CACNA1E: variants seen among roughly 807,000 people sequenced by gnomAD.
CACNA1E encodes the protein voltage-dependent R-type calcium channel subunit alpha-1E.
In CACNA1E, 40 loss-of-function variants were observed where a neutral mutation model predicts 259.2. The observed-to-expected ratio is 0.15, with a 90% CI of 0.12 to 0.20. CACNA1E has a LOEUF of 0.20. Among genes scored for constraint, CACNA1E ranks in the 10% least tolerant of loss-of-function variants. The probability of loss-of-function intolerance (pLI) is 1.00; values close to 1 mark genes in which losing one functional copy is unlikely to be tolerated. For synonymous variants in CACNA1E, 1,104 were observed against 1,138.5 expected (o/e 0.97, Z 0.61); for missense variants, 1,874 against 3,040.1 (o/e 0.62, Z 9.02).
intron 1 of CACNA1E, among the ~76,000 whole-genome samples, chr1:181,407,152 T>G (rs866216476): frequency 1.3e-5 from 2 of 152,146 alleles, no homozygotes; most frequent in Non-Finnish European, 1.5e-5. Flanking sequence ...AAATTGCTGT[T>G]GGACATTAGC....
intron 6 of CACNA1E, among the ~76,000 whole-genome samples, chr1:181,629,922 T>G (rs1476195510): frequency 6.6e-6 from 1 of 152,162 alleles, no homozygotes; most frequent in Non-Finnish European, 1.5e-5. Flanking sequence ...CTTTAATGAG[T>G]TTAGATCTAG....
chr1:181,374,866 A>G (rs1654982041), intron 1 of CACNA1E, among the ~76,000 whole-genome samples: 1 of 152,180 alleles, frequency 6.6e-6, no homozygotes, highest in Non-Finnish European at 1.5e-5. Context: ...CTCAATAATA[A>G]AACTAAATTT....
chr1:181,659,948 C>T (rs577667027), intron 7 of CACNA1E, among the ~76,000 whole-genome samples: 18 of 152,292 alleles, frequency 1.2e-4, no homozygotes, highest in African/African-American at 4.3e-4. Flanking sequence ...CAGAGATATG[C>T]CGCCAGTGGT....
chr1:181,522,794 A>G (rs1480587515), intron 3 of CACNA1E, among the ~76,000 whole-genome samples: 4 of 152,150 alleles, frequency 2.6e-5, no homozygotes, highest in African/African-American at 7.2e-5. Context: ...TGGATCCTTC[A>G]CATATGGACT....
At chr1:181,390,922 T>C (rs887684936) in intron 1 of CACNA1E, among the ~76,000 whole-genome samples, 3 of 152,280 alleles carry the variant, frequency 2.0e-5, no homozygotes, top group Non-Finnish European at 2.9e-5. Context: ...GAGGAGATGA[T>C]TGATGTGCTG....
At chr1:181,737,682 C>T (rs757068242) in intron 23 of CACNA1E, 28 bp downstream of exon 23, 1 of 1,604,448 alleles carries the variant, frequency 6.2e-7, no homozygotes, top group Non-Finnish European at 8.5e-7. Context: ...ATGTGCCAGC[C>T]TCTGTAGTGC....
At chr1:181,530,292 A>G (rs1234598206) in intron 3 of CACNA1E, among the ~76,000 whole-genome samples, 2 of 151,848 alleles carry the variant, frequency 1.3e-5, no homozygotes, top group Non-Finnish European at 2.9e-5. Flanking sequence ...GTCTAATTAA[A>G]CCTCTTTTTG....
intron 2 of CACNA1E, among the ~76,000 whole-genome samples, chr1:181,426,520 C>T (rs1659222725): frequency 6.6e-6 from 1 of 150,964 alleles, no homozygotes; most frequent in African/African-American, 2.4e-5. Flanking sequence ...TGTCTCAACC[C>T]CTTCACAACT....
rs563583057 is a variant in CACNA1E at position 181,776,284 on chromosome 1, C to G, written c.5267+56C>G. Reference sequence around the variant, plus strand: ...GCCCAGAGCAAAGGTCTCTGGAGTTCCCAGGGAAGAGGCTGGAATTGGAGC... The same window carrying G: ...GCCCAGAGCAAAGGTCTCTGGAGTTGCCAGGGAAGAGGCTGGAATTGGAGC... On this transcript the variant is annotated intron_variant, in intron 38 of 47. Coordinates refer to ENST00000367573, the MANE Select transcript of CACNA1E (RefSeq NM_001205293.3). The surrounding 1 kb of genome is among the most constrained non-coding windows in gnomAD (Gnocchi z 4.4). 6.3e-7 allele frequency: 1 copy of G among 1,587,250 alleles called. No homozygotes were observed. Among genetic ancestry groups the G allele is most frequent in the Admixed American group, 1.7e-5 (1 of 59,832 alleles).
chr1:181,763,353 T>G (rs1658752332), intron 33 of CACNA1E, 53 bp from the exon 34 acceptor site: 13 of 1,461,088 alleles, frequency 8.9e-6, no homozygotes, highest in Non-Finnish European at 1.2e-5. Context: ...GTGCTTAGAT[T>G]TTTCTAAATC....
At chr1:181,602,763 G>A (rs1320730011) in intron 6 of CACNA1E, among the ~76,000 whole-genome samples, 1 of 152,140 alleles carries the variant, frequency 6.6e-6, no homozygotes, top group African/African-American at 2.4e-5. Context: ...TTAGCAAGTT[G>A]AACCATTTGC....
At chr1:181,520,509 C>T (rs1666920078) in intron 3 of CACNA1E, among the ~76,000 whole-genome samples, 2 of 152,046 alleles carry the variant, frequency 1.3e-5, no homozygotes. Flanking sequence ...CTGTAGACCT[C>T]ATTAAGAATG....
At chr1:181,747,016 A>T (rs1287324373) in intron 25 of CACNA1E, among the ~76,000 whole-genome samples, 1 of 152,234 alleles carries the variant, frequency 6.6e-6, no homozygotes, top group African/African-American at 2.4e-5. Context: ...GGACTTAGTA[A>T]TTGTATAATA....
chr1:181,461,991 G>A (rs1003079733), intron 2 of CACNA1E, among the ~76,000 whole-genome samples: 6 of 151,958 alleles, frequency 3.9e-5, no homozygotes, highest in Admixed American at 3.9e-4. Flanking sequence ...TACTAATGGG[G>A]ATTATAGGGT....
chr1:181,548,596 T>A (rs1290679576), intron 3 of CACNA1E, among the ~76,000 whole-genome samples: 1 of 152,212 alleles, frequency 6.6e-6, no homozygotes, highest in Non-Finnish European at 1.5e-5. Flanking sequence ...CATACATGGT[T>A]GTTGAATTGA....
chr1:181,368,092 G>T (rs569982439), intron 1 of CACNA1E, among the ~76,000 whole-genome samples: 60 of 152,208 alleles, frequency 3.9e-4, no homozygotes, highest in African/African-American at 1.3e-3. Context: ...TAAGCTGGGT[G>T]TGGTGGTGCA....
At chr1:181,720,628 A>G (rs1464429150) in intron 14 of CACNA1E, among the ~76,000 whole-genome samples, 155 bp from the exon 15 acceptor site, 1 of 152,168 alleles carries the variant, frequency 6.6e-6, no homozygotes, top group East Asian at 1.9e-4. Flanking sequence ...TCACTGTTAC[A>G]GTCTTTGTAA....
intron 3 of CACNA1E, among the ~76,000 whole-genome samples, chr1:181,574,796 G>A (rs555205005): frequency 5.9e-4 from 90 of 152,296 alleles, no homozygotes; most frequent in Middle Eastern, 3.4e-3. Flanking sequence ...GGAGGCCGAG[G>A]CAGGCGGATC....
intron 1 of CACNA1E, among the ~76,000 whole-genome samples, chr1:181,490,543 GT>G (rs34093740): frequency 0.074 from 9,321 of 125,198 alleles, 329 homozygotes; most frequent in South Asian, 0.1. Flanking sequence ...TGCCAAGCAT[GT>G]TTTTTTTTTT....
Sources: allele counts gnomAD v4.1 joint callset (sites outside exome capture counted in the v4.1 genomes callset), GRCh38; gene constraint gnomAD v4.1.1; non-coding constraint Gnocchi (gnomAD v3.1); transcripts MANE v1.5; gene names NCBI Gene and HGNC (gene_info 2026-07-23, HGNC 2026-07-21).